Variants in RGPD4 observed in about 807,000 individuals in gnomAD.
The protein encoded by RGPD4 is ranBP2-like and GRIP domain-containing protein 4.
Under a neutral mutation model 141.1 loss-of-function variants are expected in RGPD4, and 84 were observed. The ratio of observed to expected loss-of-function variants is 0.60; its 90% CI spans 0.50 to 0.71. The LOEUF (loss-of-function observed/expected upper bound fraction) is 0.71. RGPD4 is among the 30% of genes least tolerant of loss of function. The probability of loss-of-function intolerance (pLI) is 0.00; values close to 1 mark genes in which losing one functional copy is unlikely to be tolerated. For missense variants in RGPD4, 918 were observed against 1,622.4 expected (o/e 0.57, Z 7.46); for synonymous variants, 298 against 566.8 (o/e 0.53, Z 6.74).
chr2:107,870,959 G>A lies in RGPD4; in HGVS notation c.2955G>A (p.Gln985=). Residue 985 remains glutamine (Q), a synonymous_variant, in exon 20 of 23, where the codon CAG becomes CAA. Coordinates refer to ENST00000408999, the MANE Select transcript of RGPD4 (RefSeq NM_182588.3). ...AATCAACTTCAGGAGAAGGATTTCA[G>A]TTTGGCAAAAAAGACCCCAATTTCA... ...VAKSTSGEGF[Q]FGKKDPNFKG... The A allele has an allele frequency of 1.2e-6, 2 of 1,610,068 alleles. No homozygotes were observed. The highest frequency in any genetic ancestry group is 1.7e-6 in the Non-Finnish European group (2 of 1,179,340).
intron 1 of RGPD4, among the ~76,000 whole-genome samples, chr2:107,828,523 C>T (rs1451482047): frequency 3.5e-4 from 41 of 118,534 alleles, no homozygotes; most frequent in African/African-American, 7.1e-4. Context: ...GCGGCGGCCT[C>T]GATGGCTCAG....
chr2:107,881,175 T>C (rs1485856021), intron 21 of RGPD4, among the ~76,000 whole-genome samples: 2 of 149,916 alleles, frequency 1.3e-5, no homozygotes, highest in African/African-American at 5.0e-5. Flanking sequence ...TTATTTTCAG[T>C]AAATTGTATA....
At chr2:107,881,554 G>A (rs1675367263) in intron 21 of RGPD4, among the ~76,000 whole-genome samples, 1 of 151,294 alleles carries the variant, frequency 6.6e-6, no homozygotes, top group South Asian at 2.1e-4. Context: ...CTGACCTCGT[G>A]ATCTGCCTGC....
chr2:107,880,032 A>G lies in RGPD4; in HGVS notation c.4989A>G (p.Thr1663=). The stretch of plus-strand genomic sequence containing the variant: ...TGGTTCAGAAGCTCAGTTCCACCAC[A>G]AAAAGTGCAGATCACTTAAACGGCC... ...EELVQKLSST[T]KSADHLNGLL... The change falls in exon 21 of 23, where the codon ACA becomes ACG. Residue 1663 remains threonine, a synonymous_variant. Transcript: ENST00000408999. The G allele has an allele frequency of 1.2e-6, 2 of 1,611,460 alleles. No homozygotes were observed. The highest frequency in any genetic ancestry group is 2.2e-5 in the East Asian group (1 of 44,854).
chr2:107,861,476 T>A, intron 14 of RGPD4, 118 bp from the exon 15 acceptor site: 1 of 552,828 alleles, frequency 1.8e-6, no homozygotes, highest in Non-Finnish European at 3.3e-6. Flanking sequence ...GCTCAAGCGA[T>A]TCTTGTGCCT....
At chr2:107,881,461 G>A (rs1558822192) in intron 21 of RGPD4, among the ~76,000 whole-genome samples, 1 of 151,888 alleles carries the variant, frequency 6.6e-6, no homozygotes. Context: ...GAGACTGCAG[G>A]CACGCACCAC....
In RGPD4 at chr2:107,833,246, AAG is replaced by A. The variant is rs1313237279; in HGVS notation, c.73-3350_73-3349del. ...AGACTCCGTTTGAATTAAAAAAAAA[AAG>A]AGAGAAATTTAGAACTGCATAATGA... On this transcript the variant is annotated intron_variant, in intron 1 of 22. Transcript: ENST00000408999. Among the ~76,000 whole-genome samples, 43 of 152,202 alleles carry A rather than the reference AAG, an allele frequency of 2.8e-4. 1 individual carries two copies. Among genetic ancestry groups the A allele is most frequent in the Admixed American group, 1.4e-3 (22 of 15,302 alleles).
intron 21 of RGPD4, among the ~76,000 whole-genome samples, chr2:107,881,113 C>T (rs1675350759): frequency 6.7e-6 from 1 of 150,026 alleles, no homozygotes; most frequent in African/African-American, 2.5e-5. Flanking sequence ...TGTCCTGCCA[C>T]TGTGCAAGGC....
chr2:107,888,836 C>A (rs1675577214), intron 22 of RGPD4, among the ~76,000 whole-genome samples: 2 of 143,388 alleles, frequency 1.4e-5, no homozygotes, highest in South Asian at 4.7e-4. Context: ...GAAGTAGATT[C>A]TCCAGTCCAG....
Position 107,880,075 on chromosome 2 carries a change from G to A in RGPD4, c.5032G>A (p.Ala1678Thr). 6.2e-7 allele frequency: 1 copy of A among 1,611,334 alleles called. No individual in the cohort carries two copies. The highest frequency in any genetic ancestry group is 1.1e-5 in the South Asian group (1 of 90,974). ...AAACGGCCTGCTTCGGGAAGCAGAG[G>A]CAACCAGTGCAGTCCTTATGGAGCA... Reference protein sequence around the residue: ...HLNGLLREAEATSAVLMEQIK... With the variant: ...HLNGLLREAETTSAVLMEQIK... Residue 1678 changes from alanine to threonine, a missense_variant, in exon 21 of 23, where the codon GCA becomes ACA. Physicochemically the swap from Ala to Thr is moderately conservative, Grantham distance 58. Transcript: ENST00000408999.
At chr2:107,837,188 CTTTT>C (rs71225100) in intron 2 of RGPD4, among the ~76,000 whole-genome samples, 11,670 of 39,074 alleles carry the variant, frequency 0.3, no homozygotes, top group African/African-American at 0.33. Context: ...GGGAGGCAGG[CTTTT>C]TTTTTTTTTT....
rs1394683982 is a variant in RGPD4, at chr2:107,872,693, T to G, written c.4689T>G (p.Ser1563Arg). Residue 1563 changes from serine to arginine, a missense_variant, in exon 20 of 23, where the codon AGT becomes AGG. By Grantham distance (110) the Ser-to-Arg change is moderately radical (BLOSUM62 -1). Coordinates refer to ENST00000408999, the MANE Select transcript of RGPD4 (RefSeq NM_182588.3). ...CAAAACCATTTGCATTTGGCAACAGTTCTGCCACTGGGTCTTTGTTTGGAT... is the reference window on the plus strand; with the variant it reads ...CAAAACCATTTGCATTTGGCAACAGGTCTGCCACTGGGTCTTTGTTTGGAT... ...EKSKPFAFGN[S>R]SATGSLFGFS... 6.2e-7 allele frequency: 1 copy of G among 1,611,426 alleles called. No homozygotes were observed. Among genetic ancestry groups the G allele is most frequent in the East Asian group, 2.2e-5 (1 of 44,878 alleles).
In RGPD4 at chr2:107,827,108, G is replaced by C. The variant is rs539090292; in HGVS notation, c.72+23G>C. On this transcript the variant is annotated intron_variant, in intron 1 of 22. Transcript: ENST00000408999. Reference sequence around the variant, plus strand: ...AAGGTGAGTGGATCTCGAAGAGACCGACGGCCTCGACCTGGCCGGGCGGCG... The same window carrying C: ...AAGGTGAGTGGATCTCGAAGAGACCCACGGCCTCGACCTGGCCGGGCGGCG... The C allele has an allele frequency of 2.3e-5, 37 of 1,577,948 alleles. 1 individual carries two copies. The highest frequency in any genetic ancestry group is 6.9e-5 in the South Asian group (6 of 86,360).
chr2:107,873,021 A>G, intron 20 of RGPD4, 93 bp downstream of exon 20: 1 of 927,474 alleles, frequency 1.1e-6, no homozygotes, highest in South Asian at 1.7e-5. Flanking sequence ...ATGTTGGGAT[A>G]TAAACGATGC....
At chr2:107,874,165 G>A (rs3868036) in intron 20 of RGPD4, among the ~76,000 whole-genome samples, 1 of 151,224 alleles carries the variant, frequency 6.6e-6, no homozygotes, top group East Asian at 1.9e-4. Flanking sequence ...TAATGTTTAT[G>A]TTTAGCCACT....
intron 22 of RGPD4, among the ~76,000 whole-genome samples, chr2:107,883,875 C>G (rs970022654): frequency 6.6e-6 from 1 of 152,146 alleles, no homozygotes; most frequent in Non-Finnish European, 1.5e-5. Context: ...TCACCCATCT[C>G]TAACAGTTTT....
chr2:107,826,998 C>G lies in RGPD4; in HGVS notation c.-16C>G, dbSNP rs557541560. ...GCGCTGGTTTCACGCGTCTCGGGAG[C>G]CAGGTTGGTGGCGCGATGAGTTGCA... On this transcript the variant is annotated 5_prime_UTR_variant, in exon 1 of 23. Transcript: ENST00000408999. 1.1e-5 allele frequency: 18 copies of G among 1,593,810 alleles called. No homozygotes were observed. The Admixed American group carries it at 1.4e-4, about 12-fold the overall frequency.
intron 15 of RGPD4, among the ~76,000 whole-genome samples, 200 bp from the exon 16 acceptor site, chr2:107,862,478 CAAAA>C (rs1273186622): frequency 7.2e-5 from 11 of 151,924 alleles, no homozygotes; most frequent in Admixed American, 2.0e-4. Flanking sequence ...AGAATAAAGA[CAAAA>C]AAATAAAAAT....
chr2:107,834,846 A>T (rs989443140), intron 1 of RGPD4, among the ~76,000 whole-genome samples: 1 of 84,336 alleles, frequency 1.2e-5, no homozygotes, highest in African/African-American at 5.1e-5. Context: ...CCAAACTGCA[A>T]AAGTTACAGC....
Sources: allele counts gnomAD v4.1 joint callset (sites outside exome capture counted in the v4.1 genomes callset), GRCh38; gene constraint gnomAD v4.1.1; transcripts MANE v1.5; gene names NCBI Gene and HGNC (gene_info 2026-07-23, HGNC 2026-07-21).